Variants in AP1G1 observed in about 807,000 individuals in gnomAD.
AP1G1 encodes the protein AP-1 complex subunit gamma-1.
A neutral mutation model predicts 108.3 loss-of-function variants in AP1G1; 7 were observed. The ratio of observed to expected loss-of-function variants is 0.06; its 90% confidence interval spans 0.04 to 0.12. AP1G1 has a LOEUF of 0.12. AP1G1 is among the 10% of genes least tolerant of loss of function. The probability of loss-of-function intolerance (pLI) is 1.00; values close to 1 mark genes in which losing one functional copy is unlikely to be tolerated. For synonymous variants in AP1G1, 379 were observed against 353.5 expected (o/e 1.07, Z -0.81); for missense variants, 756 against 1,010.7 (o/e 0.75, Z 3.42).
At chr16:71,760,571 G>T (rs953710129) in intron 10 of AP1G1, among the ~76,000 whole-genome samples, 4 of 151,624 alleles carry the variant, frequency 2.6e-5, no homozygotes, top group Non-Finnish European at 5.9e-5. Context: ...AAGAAACAGG[G>T]TCTCTCTGTG....
intron 13 of AP1G1, among the ~76,000 whole-genome samples, chr16:71,751,679 T>A (rs1354084804): frequency 2.0e-5 from 3 of 152,196 alleles, no homozygotes; most frequent in Non-Finnish European, 4.4e-5. Context: ...TCTAATGGGT[T>A]TGTATAATAA....
At chr16:71,808,416 T>TGGGGCCCGCCC (rs1567669147) in intron 1 of AP1G1, 3 of 1,114,578 alleles carry the variant, frequency 2.7e-6, no homozygotes, top group Non-Finnish European at 3.4e-6. Context: ...CACGCGGGGG[T>TGGGGCCCGCCC]GGGGCCCGCC....
intron 12 of AP1G1, 150 bp downstream of exon 12, chr16:71,755,869 C>A: frequency 1.3e-6 from 1 of 795,884 alleles, no homozygotes; most frequent in South Asian, 2.1e-5. Flanking sequence ...TGGTCTCGAA[C>A]TCCTGACTTC....
chr16:71,763,074 T>C (rs1369867472), intron 9 of AP1G1, among the ~76,000 whole-genome samples: 1 of 152,064 alleles, frequency 6.6e-6, no homozygotes, highest in Non-Finnish European at 1.5e-5. Flanking sequence ...ACATATGGCG[T>C]CAGAAGTGAA....
intron 16 of AP1G1, among the ~76,000 whole-genome samples, chr16:71,747,807 C>T (rs562000936): frequency 1.3e-5 from 2 of 152,136 alleles, no homozygotes; most frequent in Admixed American, 1.3e-4. Context: ...ACAAACGAAA[C>T]ACTTTCTCTA....
chr16:71,801,922 CAAAA>C (rs901972267), intron 1 of AP1G1, among the ~76,000 whole-genome samples: 5 of 63,734 alleles, frequency 7.8e-5, no homozygotes, highest in African/African-American at 5.9e-5. Flanking sequence ...ACTCCGTAAC[CAAAA>C]AAAAAAAAAA....
intron 12 of AP1G1, among the ~76,000 whole-genome samples, chr16:71,755,554 T>C (rs2030738331): frequency 6.6e-6 from 1 of 152,256 alleles, no homozygotes; most frequent in Non-Finnish European, 1.5e-5. Context: ...AAATGCTGGC[T>C]ATAATAGCCT....
At chr16:71,802,045 T>C (rs76136063) in intron 1 of AP1G1, among the ~76,000 whole-genome samples, 1,515 of 151,490 alleles carry the variant, frequency 0.01, 69 homozygotes, top group Admixed American at 0.07. Flanking sequence ...AAATCCAAAA[T>C]ATGAAACATT....
intron 2 of AP1G1, 93 bp downstream of exon 2, chr16:71,789,186 T>A: frequency 8.3e-7 from 1 of 1,210,174 alleles, no homozygotes; most frequent in Non-Finnish European, 1.2e-6. Context: ...TACAAGGCTA[T>A]CAAAAGTACC....
chr16:71,785,709 G>A (rs2032178482), intron 2 of AP1G1, among the ~76,000 whole-genome samples: 2 of 151,206 alleles, frequency 1.3e-5, no homozygotes, highest in Admixed American at 6.6e-5. Flanking sequence ...GTGAAATCCC[G>A]TCTCTACTAA....
intron 7 of AP1G1, among the ~76,000 whole-genome samples, chr16:71,764,954 T>C (rs1039851536): frequency 6.6e-6 from 1 of 152,214 alleles, no homozygotes; most frequent in Non-Finnish European, 1.5e-5. Context: ...CAACCCACAC[T>C]TCAGTACTCC....
chr16:71,805,177 G>A (rs572356254), intron 1 of AP1G1, among the ~76,000 whole-genome samples: 3 of 152,260 alleles, frequency 2.0e-5, no homozygotes, highest in South Asian at 2.1e-4. Flanking sequence ...GAACGCAGTG[G>A]CTCCTCCTGC....
chr16:71,761,538 G>T lies in AP1G1; in HGVS notation c.948C>A (p.Phe316Leu). ...TAATATTCTTGTCATTGTTCAATAA[G>T]AAACGACCCAGGATATTTATGGCTA... Reference protein sequence around the residue: ...RVLAINILGRFLLNNDKNIRY... With the variant: ...RVLAINILGRLLLNNDKNIRY... Residue 316 changes from phenylalanine to leucine, a missense_variant, in exon 10 of 23, where the codon TTC (phenylalanine) becomes TTA (leucine). Coordinates refer to ENST00000299980, the MANE Select transcript of AP1G1 (RefSeq NM_001128.6). 6.2e-7 allele frequency: 1 copy of T among 1,602,420 alleles called. No individual in the cohort carries two copies.
At chr16:71,779,295 A>G (rs79897140) in intron 2 of AP1G1, among the ~76,000 whole-genome samples, 280 of 150,786 alleles carry the variant, frequency 1.9e-3, no homozygotes, top group Admixed American at 6.1e-3. Context: ...AATTTGACAT[A>G]GACACTGACA....
At chr16:71,792,592 C>A (rs1422320578) in intron 1 of AP1G1, among the ~76,000 whole-genome samples, 1 of 152,136 alleles carries the variant, frequency 6.6e-6, no homozygotes, top group East Asian at 1.9e-4. Context: ...GTGGCTCACA[C>A]CTGTAATCCT....
At chr16:71,783,882 A>AT (rs1321635206) in intron 2 of AP1G1, among the ~76,000 whole-genome samples, 1 of 152,206 alleles carries the variant, frequency 6.6e-6, no homozygotes, top group African/African-American at 2.4e-5. Context: ...AAAAGAACAC[A>AT]TCTGTGGAAG....
At chr16:71,773,784 A>G (rs2031662615) in intron 3 of AP1G1, among the ~76,000 whole-genome samples, 1 of 151,640 alleles carries the variant, frequency 6.6e-6, no homozygotes, top group African/African-American at 2.4e-5. Context: ...CTCCACTAAA[A>G]CTGTAAAAAT....
At chr16:71,799,451 G>C (rs1325689667) in intron 1 of AP1G1, among the ~76,000 whole-genome samples, 1 of 152,170 alleles carries the variant, frequency 6.6e-6, no homozygotes. Context: ...CAATAGGACT[G>C]TTTAAAGGAA....
At chr16:71,778,823 C>CAATCTCCA (rs1170271718) in intron 2 of AP1G1, among the ~76,000 whole-genome samples, 7 of 152,202 alleles carry the variant, frequency 4.6e-5, no homozygotes, top group African/African-American at 1.4e-4. Context: ...TTTTCCGCAG[C>CAATCTCCA]AATCTCCAAA....
Sources: gnomAD v4.1 joint callset for allele counts (sites outside exome capture counted in the v4.1 genomes callset) on GRCh38, gnomAD v4.1.1 for gene constraint, MANE v1.5 for transcripts, NCBI Gene and HGNC (gene_info 2026-07-23, HGNC 2026-07-21) for gene names.